Variants in ELMO1 observed in about 807,000 individuals in gnomAD.
ELMO1 encodes the protein engulfment and cell motility 1.
A neutral mutation model predicts 98.9 loss-of-function variants in ELMO1; 26 were observed. The observed-to-expected ratio is 0.26, with a 90% CI of 0.19 to 0.36. The LOEUF (loss-of-function observed/expected upper bound fraction) is 0.36. Ranked by LOEUF, ELMO1 falls within the 10% of genes least tolerant of loss-of-function variation. The pLI is 1.00. For synonymous variants in ELMO1, 346 were observed against 346.0 expected (o/e 1.00, Z 0.00); for missense variants, 627 against 935.2 (o/e 0.67, Z 4.30).
At chr7:37,125,783 C>A (rs1018061849) in intron 14 of ELMO1, among the ~76,000 whole-genome samples, 3 of 152,122 alleles carry the variant, frequency 2.0e-5, no homozygotes, top group African/African-American at 7.2e-5. Context: ...TTGACCCAGC[C>A]ATCCCATTAC....
intron 1 of ELMO1, among the ~76,000 whole-genome samples, chr7:37,350,567 A>C (rs1801215296): frequency 6.6e-6 from 1 of 152,210 alleles, no homozygotes; most frequent in African/African-American, 2.4e-5. Flanking sequence ...TAAATTAATG[A>C]AGATACTAAA....
intron 14 of ELMO1, among the ~76,000 whole-genome samples, chr7:37,124,835 C>G (rs1159185776): frequency 1.3e-5 from 2 of 152,102 alleles, no homozygotes; most frequent in African/African-American, 2.4e-5. Flanking sequence ...CAAGTCAATC[C>G]TGAGCCAAAA....
chr7:37,176,485 AATATAATATT>A (rs1790502684), intron 13 of ELMO1, among the ~76,000 whole-genome samples: 1 of 152,244 alleles, frequency 6.6e-6, no homozygotes, highest in South Asian at 2.1e-4. Context: ...AAAAATGTAC[AATATAATATT>A]GCTTACAAAA....
chr7:37,166,953 T>C (rs1009043403), intron 13 of ELMO1, among the ~76,000 whole-genome samples: 7 of 152,046 alleles, frequency 4.6e-5, no homozygotes, highest in Admixed American at 6.6e-5. Context: ...AAGTCTCCCA[T>C]TATTAATGTG....
intron 13 of ELMO1, among the ~76,000 whole-genome samples, chr7:37,138,141 ACATGGAC>A (rs1393967211): frequency 1.4e-4 from 22 of 151,824 alleles, no homozygotes; most frequent in Admixed American, 1.4e-3. Flanking sequence ...AAGAGCACAA[ACATGGAC>A]CTGGAGAAAC....
intron 3 of ELMO1, among the ~76,000 whole-genome samples, chr7:37,315,709 A>G (rs1799118313): frequency 6.6e-6 from 1 of 152,252 alleles, no homozygotes; most frequent in Admixed American, 6.5e-5. Flanking sequence ...CACTGTGCAC[A>G]TAACAGCCAT....
At chr7:37,292,596 T>A (rs1797764788) in intron 4 of ELMO1, among the ~76,000 whole-genome samples, 1 of 110,542 alleles carries the variant, frequency 9.0e-6, no homozygotes, top group African/African-American at 3.0e-5. Context: ...ACCTCTGCCC[T>A]GCTGCCCCGT....
intron 13 of ELMO1, among the ~76,000 whole-genome samples, chr7:37,161,960 A>C (rs1381027680): frequency 8.1e-6 from 1 of 123,686 alleles, no homozygotes; most frequent in Non-Finnish European, 1.7e-5. Context: ...AATCTTCCAC[A>C]TCATCTCAAG....
At chr7:36,877,986 C>T in intron 19 of ELMO1, 24 bp downstream of exon 19, 1 of 1,578,104 alleles carries the variant, frequency 6.3e-7, no homozygotes, top group East Asian at 2.2e-5. Context: ...ACCACTCAGG[C>T]CTCTGCCAAG....
chr7:36,879,541 T>C (rs1804254299), intron 18 of ELMO1, among the ~76,000 whole-genome samples: 3 of 152,228 alleles, frequency 2.0e-5, no homozygotes, highest in Admixed American at 1.3e-4. Context: ...ATGATTCTTT[T>C]AATAGAAATA....
intron 15 of ELMO1, among the ~76,000 whole-genome samples, chr7:37,081,523 C>T (rs1797865068): frequency 6.6e-6 from 1 of 152,120 alleles, no homozygotes; most frequent in African/African-American, 2.4e-5. Flanking sequence ...TGGGAGGGAC[C>T]CAGTGGGAGA....
intron 1 of ELMO1, among the ~76,000 whole-genome samples, chr7:37,367,345 T>C (rs571557895): frequency 6.6e-6 from 1 of 152,336 alleles, no homozygotes; most frequent in Admixed American, 6.5e-5. Context: ...CACACCGGTC[T>C]ATGTGTTTAT....
intron 16 of ELMO1, among the ~76,000 whole-genome samples, chr7:36,926,139 T>C (rs1328556918): frequency 6.6e-6 from 1 of 152,126 alleles, no homozygotes; most frequent in Non-Finnish European, 1.5e-5. Context: ...ACGTGTTACA[T>C]AAGGAAGATC....
intron 7 of ELMO1, among the ~76,000 whole-genome samples, chr7:37,237,974 C>T (rs1228058942): frequency 1.3e-5 from 2 of 152,150 alleles, no homozygotes; most frequent in African/African-American, 2.4e-5. Context: ...AATCAGTCAA[C>T]GAAACTCTTC....
At chr7:37,316,346 G>A (rs1799155952) in intron 2 of ELMO1, among the ~76,000 whole-genome samples, 1 of 152,192 alleles carries the variant, frequency 6.6e-6, no homozygotes, top group African/African-American at 2.4e-5. Context: ...CAGGCAAGCT[G>A]CAGTTTGGCT....
chr7:37,358,144 T>C (rs1000981228), intron 1 of ELMO1, among the ~76,000 whole-genome samples: 4 of 152,178 alleles, frequency 2.6e-5, no homozygotes, highest in Admixed American at 2.0e-4. Flanking sequence ...CCTGGGAAAT[T>C]ACCAGATTAA....
intron 16 of ELMO1, among the ~76,000 whole-genome samples, chr7:36,974,913 C>T (rs1051477061): frequency 1.3e-5 from 2 of 151,922 alleles, no homozygotes; most frequent in South Asian, 2.1e-4. Context: ...ACACTCACTG[C>T]GAACGTCTGC....
chr7:37,165,389 G>A (rs981532177), intron 13 of ELMO1, among the ~76,000 whole-genome samples: 3 of 151,920 alleles, frequency 2.0e-5, no homozygotes, highest in Admixed American at 2.0e-4. Flanking sequence ...TAGCAGTGGT[G>A]AGAGAGGGCA....
At chr7:37,149,588 T>C (rs1297050181) in intron 13 of ELMO1, among the ~76,000 whole-genome samples, 1 of 152,242 alleles carries the variant, frequency 6.6e-6, no homozygotes, top group African/African-American at 2.4e-5. Flanking sequence ...CTTATTGATT[T>C]GCATACTGTC....
Sources: gnomAD v4.1 joint callset for allele counts (sites outside exome capture counted in the v4.1 genomes callset) on GRCh38, gnomAD v4.1.1 for gene constraint, MANE v1.5 for transcripts, NCBI Gene and HGNC (gene_info 2026-07-23, HGNC 2026-07-21) for gene names.